Variants in BRWD3 observed in about 807,000 individuals in gnomAD.
The protein encoded by BRWD3 is bromodomain and WD repeat domain containing 3.
A neutral mutation model predicts 149.7 loss-of-function variants in BRWD3; 10 were observed. The ratio of observed to expected loss-of-function variants is 0.07; its 90% confidence interval spans 0.04 to 0.11. The LOEUF is 0.11. BRWD3 is among the 10% of genes least tolerant of loss of function. The pLI is 1.00. For synonymous variants in BRWD3, 504 were observed against 456.7 expected (o/e 1.10, Z -1.32); for missense variants, 940 against 1,373.2 (o/e 0.68, Z 4.99).
At chrX:80,735,274 A>G in intron 9 of BRWD3, 77 bp from the exon 10 acceptor site, 1 of 779,315 alleles carries the variant, frequency 1.3e-6, no homozygotes, top group East Asian at 3.2e-5. Context: ...ACTACTGGAT[A>G]CTGATCAATT....
At position 80,682,097 on chromosome X, in the gene BRWD3, A is replaced by G. The variant is rs765182070; in HGVS notation, c.4398-3T>C. The G allele has an allele frequency of 4.4e-5, 52 of 1,191,260 alleles. 1 individual carries two copies. Among genetic ancestry groups the G allele is most frequent in the Non-Finnish European group, 5.5e-5 (48 of 879,878 alleles). ...TTTGTTTCTGCTTCCCTTTTGGACT[A>G]GAAGTAAAAATATGTAACAACGAGC... is the stretch of plus-strand genomic sequence containing the variant. On this transcript the variant is annotated splice_polypyrimidine_tract_variant and splice_region_variant and intron_variant, in intron 38 of 40. Coordinates refer to ENST00000373275, the MANE Select transcript of BRWD3 (RefSeq NM_153252.5).
At chrX:80,710,090 C>A in intron 20 of BRWD3, 1 of 801,844 alleles carries the variant, frequency 1.2e-6, no homozygotes, top group Non-Finnish European at 1.9e-6. Flanking sequence ...GCTTGCAGCT[C>A]ATCAGAAAAA....
At chrX:80,707,589 A>AT (rs1255542944) in intron 21 of BRWD3, 86 bp from the exon 22 acceptor site, 5 of 893,851 alleles carry the variant, frequency 5.6e-6, no homozygotes, top group Non-Finnish European at 8.0e-6. Context: ...GTTTTATAGC[A>AT]TTTTTTTGAA....
chrX:80,785,231 A>T (rs1280475841), intron 6 of BRWD3, among the ~76,000 whole-genome samples: 1 of 112,439 alleles, frequency 8.9e-6, no homozygotes, highest in Non-Finnish European at 1.9e-5. Flanking sequence ...TTTTGAATTT[A>T]GCTCAATTTT....
intron 6 of BRWD3, among the ~76,000 whole-genome samples, chrX:80,747,831 G>A (rs1307770299): frequency 9.0e-6 from 1 of 111,613 alleles, no homozygotes; most frequent in African/African-American, 3.3e-5. Flanking sequence ...GGGTTCTTTT[G>A]GTGGATTTTT....
At chrX:80,757,576 T>C (rs763070938) in intron 6 of BRWD3, among the ~76,000 whole-genome samples, 2 of 112,240 alleles carry the variant, frequency 1.8e-5, no homozygotes, top group African/African-American at 3.2e-5. Context: ...TAGTCAAATA[T>C]AGATTTGAAT....
rs2072359991 is a variant in BRWD3, at chrX:80,675,873, T to C, written c.*736A>G. 9.0e-6 allele frequency: 1 copy of C among 111,676 alleles called. No individual in the cohort carries two copies. Among genetic ancestry groups the C allele is most frequent in the Non-Finnish European group, 1.9e-5 (1 of 53,070 alleles). The allele number at this position is 111,676 out of a possible 1,213,427, so 9.2% of individuals were successfully genotyped here. On this transcript the variant is annotated 3_prime_UTR_variant, in exon 41 of 41. Coordinates refer to ENST00000373275, the MANE Select transcript of BRWD3 (RefSeq NM_153252.5). The stretch of plus-strand genomic sequence containing the variant: ...CCTCAAGTATTCTTTTTTAATAAAG[T>C]TAATGCACACATCAGAACACACCAC...
intron 14 of BRWD3, among the ~76,000 whole-genome samples, chrX:80,726,086 A>G (rs1284010012): frequency 9.3e-6 from 1 of 107,489 alleles, no homozygotes; most frequent in Non-Finnish European, 2.0e-5. Context: ...TTGTCTGTAT[A>G]ACAACATGTT....
chrX:80,732,117 T>C (rs1367448872), intron 12 of BRWD3, among the ~76,000 whole-genome samples: 1 of 111,073 alleles, frequency 9.0e-6, no homozygotes, highest in African/African-American at 3.3e-5. Context: ...GTGTATAAGG[T>C]ATATATGAAA....
Position 80,689,732 on chromosome X carries a change from G to A in BRWD3, c.3807+36C>T, listed in dbSNP as rs1432971786. 8.2e-6 allele frequency: 9 copies of A among 1,097,836 alleles called. 1 individual carries two copies. The South Asian group carries it at 1.7e-4, about 20-fold the overall frequency. The allele number at this position is 1,097,836 out of a possible 1,213,427, so 90.5% of individuals were successfully genotyped here. ...ATACTGTACTTCAAATAAGAGAAAA[G>A]TAACTCATTCCTACTAATCATGCTG... On this transcript the variant is annotated intron_variant, in intron 33 of 40. Transcript: ENST00000373275.
At position 80,791,929 on chromosome X, in the gene BRWD3, C is replaced by A; in HGVS notation, c.355G>T (p.Gly119Trp). The A allele has an allele frequency of 8.3e-7, 1 of 1,201,602 alleles. No homozygotes were observed. Among genetic ancestry groups the A allele is most frequent in the Non-Finnish European group, 1.1e-6 (1 of 887,527 alleles). The change falls in exon 6 of 41, where the codon GGG becomes TGG. Residue 119 changes from glycine to tryptophan, a missense_variant. Gly to Trp is a radical substitution (Grantham distance 184). This residue lies in a region of BRWD3 where 105 missense variants were observed against 127.7 expected (regional missense o/e 0.82). Transcript: ENST00000373275. ...CTATGCAGAGCCGCAAAAGCAGACCCATTCCATAGTGTACTCTTACAGTCT... is the reference window on the plus strand; with the variant it reads ...CTATGCAGAGCCGCAAAAGCAGACCAATTCCATAGTGTACTCTTACAGTCT... The part of the protein sequence containing the change: ...AKDCKSTLWN[G>W]SAFAALHRGR...
At position 80,674,637 on chromosome X, in the gene BRWD3, G is replaced by T. The variant is rs772275659; in HGVS notation, c.*1972C>A. 1.8e-5 allele frequency: 2 copies of T among 111,529 alleles called. No homozygotes were observed. The highest frequency in any genetic ancestry group is 5.6e-4 in the East Asian group (2 of 3,547). 9.2% of individuals were successfully genotyped at this position (111,529 alleles called of 1,213,427 possible). A position where few individuals can be genotyped will look rare whatever the true frequency, so the allele number is the denominator to read the frequency against. ...AGGAACGTTTTGAATCTCTACTATG[G>T]TTTAAAGTGGCAGCTGAGTTACAAC... On this transcript the variant is annotated 3_prime_UTR_variant, in exon 41 of 41. Transcript: ENST00000373275.
At chrX:80,725,181 T>A in intron 14 of BRWD3, 114 bp from the exon 15 acceptor site, 1 of 788,656 alleles carries the variant, frequency 1.3e-6, no homozygotes, top group South Asian at 2.3e-5. Context: ...GCAGAATAAT[T>A]TAACAGCATT....
chrX:80,726,376 A>ATAACATATAACATGTTTACATGTTATATG (rs10645951), intron 14 of BRWD3, among the ~76,000 whole-genome samples: 6 of 68,486 alleles, frequency 8.8e-5, no homozygotes, highest in African/African-American at 3.1e-4. Context: ...TACATGTTAT[A>ATAACATATAACATGTTTACATGTTATATG]TCTGTATAAC....
chrX:80,710,909 G>A (rs1376731641), intron 20 of BRWD3, among the ~76,000 whole-genome samples: 2 of 110,345 alleles, frequency 1.8e-5, no homozygotes, highest in Non-Finnish European at 1.9e-5. Context: ...TCACTTTCTA[G>A]AAAGTACAGG....
intron 6 of BRWD3, among the ~76,000 whole-genome samples, chrX:80,758,092 G>A (rs1433452624): frequency 1.8e-5 from 2 of 111,322 alleles, no homozygotes; most frequent in South Asian, 3.8e-4. Flanking sequence ...CCAGTTACTC[G>A]GGAGGCTGAG....
chrX:80,728,954 G>A, intron 13 of BRWD3, 49 bp from the exon 14 acceptor site: 1 of 1,110,237 alleles, frequency 9.0e-7, no homozygotes, highest in Non-Finnish European at 1.2e-6. Context: ...TTTTGACAAA[G>A]GTGCATGTTA....
chrX:80,787,520 G>C (rs762595734), intron 6 of BRWD3, among the ~76,000 whole-genome samples: 1 of 108,691 alleles, frequency 9.2e-6, no homozygotes, highest in South Asian at 4.0e-4. Flanking sequence ...TAATCCAATG[G>C]GGAAAAGGAT....
intron 6 of BRWD3, among the ~76,000 whole-genome samples, chrX:80,760,376 C>T (rs749790491): frequency 1.3e-4 from 14 of 111,614 alleles, no homozygotes; most frequent in Non-Finnish European, 2.5e-4. Flanking sequence ...AATTATATCA[C>T]GAACATAGCA....
Sources: gnomAD v4.1 joint callset for allele counts (sites outside exome capture counted in the v4.1 genomes callset) on GRCh38, gnomAD v4.1.1 for gene constraint, gnomAD v4.1.1 regional missense constraint, MANE v1.5 for transcripts, NCBI Gene and HGNC (gene_info 2026-07-23, HGNC 2026-07-21) for gene names.